CDK5RAP2: variants seen among roughly 807,000 people sequenced by gnomAD.
The protein encoded by CDK5RAP2 is CDK5 regulatory subunit associated protein 2.
CDK5RAP2 carries 147 observed loss-of-function variants against 232.9 expected under a neutral mutation model. That is an observed-to-expected ratio of 0.63 (90% CI 0.55 to 0.72). CDK5RAP2 has a LOEUF of 0.72. CDK5RAP2 is among the 30% of genes least tolerant of loss of function. The probability of loss-of-function intolerance (pLI) is 0.00; values close to 1 mark genes in which losing one functional copy is unlikely to be tolerated. For synonymous variants in CDK5RAP2, 833 were observed against 833.7 expected, an observed-to-expected ratio of 1.00 and a Z score of 0.01; for missense variants, 2,195 against 2,231.5, an observed-to-expected ratio of 0.98 and a Z score of 0.33.
intron 19 of CDK5RAP2, among the ~76,000 whole-genome samples, chr9:120,459,200 T>C (rs1012431969): frequency 8.5e-5 from 13 of 152,314 alleles, no homozygotes; most frequent in African/African-American, 2.9e-4. Flanking sequence ...GAGTTCCTAA[T>C]TCCCATGGAG....
At position 120,408,397 on chromosome 9, in the gene CDK5RAP2, A is replaced by G. The variant is rs1264357679; in HGVS notation, c.4676T>C (p.Val1559Ala). 6.2e-7 allele frequency: 1 copy of G among 1,614,036 alleles called. No individual in the cohort carries two copies. The highest frequency in any genetic ancestry group is 8.5e-7 in the Non-Finnish European group (1 of 1,180,006). The change falls in exon 31 of 38, where the codon GTG becomes GCG. Residue 1559 changes from valine to alanine, a missense_variant. Transcript: ENST00000349780. Reference sequence around the variant, plus strand: ...CAGCTTCTCATACGCCTTCAGCTCCACTCGGAGAGACTGCAATAGCTTGTC... The same window carrying G: ...CAGCTTCTCATACGCCTTCAGCTCCGCTCGGAGAGACTGCAATAGCTTGTC... ...QNDKLLQSLR[V>A]ELKAYEKLDE...
Position 120,477,350 on chromosome 9 carries a change from C to G in CDK5RAP2, c.1727G>C (p.Ser576Thr). 1 of 1,610,914 alleles carries G rather than the reference C, an allele frequency of 6.2e-7. No individual in the cohort carries two copies. The highest frequency in any genetic ancestry group is 8.5e-7 in the Non-Finnish European group (1 of 1,177,524). ...GTGATGTCCAGACAGAAACGCTTAC[C>G]TGTCTGATTCCTGCAGAGATTTGAC... ...HLVKSLQESD[S>T]INNLQAELNK... Residue 576 changes from serine (S) to threonine (T), a missense_variant and splice_region_variant, in exon 15 of 38, where the codon AGT (serine) becomes ACT (threonine). By Grantham distance (58) the Ser-to-Thr change is moderately conservative. Transcript: ENST00000349780.
intron 13 of CDK5RAP2, among the ~76,000 whole-genome samples, chr9:120,490,843 T>C (rs915843423): frequency 2.0e-5 from 3 of 152,202 alleles, no homozygotes; most frequent in South Asian, 2.1e-4. Flanking sequence ...CAGAGTTAAA[T>C]GCCTATGTTT....
At chr9:120,506,514 G>T (rs1039116027) in intron 12 of CDK5RAP2, among the ~76,000 whole-genome samples, 2 of 152,214 alleles carry the variant, frequency 1.3e-5, no homozygotes, top group Non-Finnish European at 2.9e-5. Flanking sequence ...TTCCTCTGAT[G>T]GATCTGGGCA....
chr9:120,514,827 T>C (rs1415421000), intron 12 of CDK5RAP2, among the ~76,000 whole-genome samples: 1 of 152,210 alleles, frequency 6.6e-6, no homozygotes, highest in Non-Finnish European at 1.5e-5. Context: ...GACGTATACA[T>C]GTTATGTAGC....
At chr9:120,496,786 G>T (rs2039290585) in intron 12 of CDK5RAP2, among the ~76,000 whole-genome samples, 1 of 128,226 alleles carries the variant, frequency 7.8e-6, no homozygotes, top group Non-Finnish European at 1.6e-5. Flanking sequence ...GAGGGAGGTG[G>T]GGGGGGTCAG....
chr9:120,530,711 C>A (rs1199931294), intron 7 of CDK5RAP2, among the ~76,000 whole-genome samples: 2 of 151,904 alleles, frequency 1.3e-5, no homozygotes, highest in African/African-American at 4.8e-5. Flanking sequence ...TTTGTAGGGA[C>A]ATGGATGAAG....
chr9:120,552,999 T>A (rs2042101550), intron 3 of CDK5RAP2, among the ~76,000 whole-genome samples: 1 of 152,204 alleles, frequency 6.6e-6, no homozygotes, highest in African/African-American at 2.4e-5. Context: ...CAACTTTTCA[T>A]ACGCTTGAAA....
rs1039074641 is a variant in CDK5RAP2 at position 120,406,999 on chromosome 9, G to T, written c.4963+13C>A. 6 of 1,586,582 alleles carry T rather than the reference G, an allele frequency of 3.8e-6. No homozygotes were observed. In the East Asian group the frequency reaches 1.3e-4, roughly 35 times the overall value. On this transcript the variant is annotated intron_variant, in intron 32 of 37. Coordinates refer to ENST00000349780, the MANE Select transcript of CDK5RAP2 (RefSeq NM_018249.6). ...CTGCATTCTCAGCAAGTGGGGAGAG[G>T]CAGGGGCAGTACCGTGTTTGTCAGG... is the stretch of plus-strand genomic sequence containing the variant.
chr9:120,441,967 T>C (rs139182316), intron 23 of CDK5RAP2, among the ~76,000 whole-genome samples: 168 of 152,282 alleles, frequency 1.1e-3, no homozygotes, highest in African/African-American at 3.9e-3. Context: ...GAGGGAGATA[T>C]CTCTCCATAA....
chr9:120,518,824 T>C (rs1014279346), intron 11 of CDK5RAP2, among the ~76,000 whole-genome samples, 179 bp from the exon 12 acceptor site: 1 of 152,036 alleles, frequency 6.6e-6, no homozygotes, highest in African/African-American at 2.4e-5. Context: ...TAAGATAATG[T>C]TTCTTATGAT....
At chr9:120,439,376 G>A in intron 24 of CDK5RAP2, 23 bp downstream of exon 24, 2 of 1,598,572 alleles carry the variant, frequency 1.3e-6, no homozygotes, top group Non-Finnish European at 1.7e-6. Flanking sequence ...CTTAAACGGG[G>A]AGACGGCAGA....
In CDK5RAP2 at chr9:120,472,626, G is replaced by A. The variant is rs78821344; in HGVS notation, c.1728-748C>T. Reference sequence around the variant, plus strand: ...CCAAAAAAACTCCACTGTGGTGGGTGAACCACTCAGAAACGCATAGTATGA... The same window carrying A: ...CCAAAAAAACTCCACTGTGGTGGGTAAACCACTCAGAAACGCATAGTATGA... On this transcript the variant is annotated intron_variant, in intron 15 of 37. Transcript: ENST00000349780. 2.0e-5 allele frequency among the ~76,000 whole-genome samples: 3 copies of A among 152,306 alleles called. No individual in the cohort carries two copies. The East Asian group carries it at 5.8e-4, about 29-fold the overall frequency.
In CDK5RAP2 at chr9:120,416,415, T is replaced by C. The variant is rs115909614; in HGVS notation, c.4178-1256A>G. Among the ~76,000 whole-genome samples, 473 of 152,346 alleles carry C rather than the reference T, an allele frequency of 3.1e-3. 5 individuals are homozygous for C. Among genetic ancestry groups the C allele is most frequent in the African/African-American group, 0.01 (435 of 41,586 alleles). On this transcript the variant is annotated intron_variant, in intron 27 of 37. Transcript: ENST00000349780. ...TTATGAAGGATACTGCAAGGAAGAC[T>C]AAATATATACTTCACAATATCACAG...
At chr9:120,393,539 A>C (rs112735632) in intron 36 of CDK5RAP2, among the ~76,000 whole-genome samples, 1,628 of 152,350 alleles carry the variant, frequency 0.011, 32 homozygotes, top group African/African-American at 0.037. Flanking sequence ...CCAGAGAAAA[A>C]GTGCTGCAGT....
chr9:120,549,230 A>T (rs1043989700), intron 4 of CDK5RAP2, among the ~76,000 whole-genome samples: 1 of 152,172 alleles, frequency 6.6e-6, no homozygotes, highest in Admixed American at 6.5e-5. Context: ...ACATGCTTGC[A>T]CTTATGTAAA....
intron 6 of CDK5RAP2, among the ~76,000 whole-genome samples, chr9:120,538,682 C>T (rs1192090110): frequency 6.6e-6 from 1 of 152,092 alleles, no homozygotes; most frequent in Non-Finnish European, 1.5e-5. Flanking sequence ...AATAATGGGG[C>T]TAAACTAGAC....
At chr9:120,579,814 C>T in intron 1 of CDK5RAP2, 106 bp downstream of exon 1, 1 of 898,052 alleles carries the variant, frequency 1.1e-6, no homozygotes, top group Non-Finnish European at 1.8e-6. Flanking sequence ...ACACACTGCC[C>T]CTGGCCAGAC....
At chr9:120,512,340 C>A (rs1187112655) in intron 12 of CDK5RAP2, among the ~76,000 whole-genome samples, 1 of 152,104 alleles carries the variant, frequency 6.6e-6, no homozygotes, top group Non-Finnish European at 1.5e-5. Flanking sequence ...CAGAGTGAGA[C>A]CCTGTCTCAA....
Sources: allele counts gnomAD v4.1 joint callset (sites outside exome capture counted in the v4.1 genomes callset), GRCh38; gene constraint gnomAD v4.1.1; transcripts MANE v1.5; gene names NCBI Gene and HGNC (gene_info 2026-07-23, HGNC 2026-07-21).